DAPK1: variants seen among roughly 807,000 people sequenced by gnomAD.
DAPK1 encodes the protein death associated protein kinase 1.
In DAPK1, 56 loss-of-function variants were observed where a neutral mutation model predicts 144.9. The observed-to-expected ratio is 0.39, with a 90% confidence interval of 0.31 to 0.48. The LOEUF is 0.48. Ranked by LOEUF, DAPK1 falls within the 20% of genes least tolerant of loss-of-function variation. DAPK1 has a pLI of 0.95. For missense variants in DAPK1, 1,454 were observed against 1,875.4 expected (o/e 0.78, Z 4.15); for synonymous variants, 690 against 749.0 (o/e 0.92, Z 1.29).
At chr9:87,498,404 C>G (rs999830977) in intron 1 of DAPK1, 73 of 330,416 alleles carry the variant, frequency 2.2e-4, no homozygotes, top group Non-Finnish European at 3.6e-4. Flanking sequence ...CTTGCTCCCC[C>G]GGGCGGCCGC....
intron 2 of DAPK1, among the ~76,000 whole-genome samples, chr9:87,588,705 T>A (rs1478868554): frequency 6.6e-6 from 1 of 152,210 alleles, no homozygotes; most frequent in African/African-American, 2.4e-5. Context: ...GATGGAAATA[T>A]GGATTTATTT....
chr9:87,581,393 T>A (rs1827748233), intron 2 of DAPK1, among the ~76,000 whole-genome samples: 1 of 151,630 alleles, frequency 6.6e-6, no homozygotes, highest in African/African-American at 2.4e-5. Context: ...TTTGCCTGAG[T>A]ACAAGCCATG....
intron 18 of DAPK1, among the ~76,000 whole-genome samples, chr9:87,662,559 A>ATTTTTTTTTTTTTTTTT: frequency 3.9e-5 from 1 of 25,568 alleles, no homozygotes; most frequent in East Asian, 1.9e-3. Context: ...ATATATTCCT[A>ATTTTTTTTTTTTTTTTT]GTTTTTTTTT....
intron 2 of DAPK1, among the ~76,000 whole-genome samples, chr9:87,571,302 G>A (rs1827320900): frequency 6.6e-6 from 1 of 151,870 alleles, no homozygotes; most frequent in African/African-American, 2.4e-5. Flanking sequence ...CTGAACTGTT[G>A]CTGGTGTTTG....
chr9:87,600,794 C>T (rs1030339707), intron 2 of DAPK1, among the ~76,000 whole-genome samples: 22 of 151,906 alleles, frequency 1.4e-4, no homozygotes, highest in African/African-American at 4.6e-4. Flanking sequence ...TGCAGCCATC[C>T]GTATCGTTGT....
chr9:87,600,933 C>T (rs187741306), intron 2 of DAPK1, among the ~76,000 whole-genome samples: 49 of 152,290 alleles, frequency 3.2e-4, no homozygotes, highest in Non-Finnish European at 4.7e-4. Flanking sequence ...TGTCTGAGCT[C>T]GCCCTTGAAG....
At chr9:87,530,931 T>G (rs1249619068) in intron 2 of DAPK1, among the ~76,000 whole-genome samples, 1 of 151,874 alleles carries the variant, frequency 6.6e-6, no homozygotes, top group Admixed American at 6.6e-5. Context: ...TTTAAGTAAC[T>G]TCCTTTCCCA....
At chr9:87,585,070 A>C (rs1485635942) in intron 2 of DAPK1, among the ~76,000 whole-genome samples, 1 of 152,208 alleles carries the variant, frequency 6.6e-6, no homozygotes, top group Non-Finnish European at 1.5e-5. Context: ...TACCATGTAT[A>C]TATTTTGACT....
intron 25 of DAPK1, among the ~76,000 whole-genome samples, chr9:87,703,874 G>A (rs1336654243): frequency 6.6e-6 from 1 of 152,212 alleles, no homozygotes; most frequent in Non-Finnish European, 1.5e-5. Context: ...AACGGGGGCA[G>A]TGCCTTCGTG....
chr9:87,629,223 C>T (rs555751650), intron 3 of DAPK1, among the ~76,000 whole-genome samples: 5 of 152,220 alleles, frequency 3.3e-5, no homozygotes, highest in South Asian at 4.2e-4. Flanking sequence ...CAGACACAGA[C>T]GTGTGTGGAG....
intron 18 of DAPK1, among the ~76,000 whole-genome samples, chr9:87,666,160 G>T (rs1831045150): frequency 6.6e-6 from 1 of 152,124 alleles, no homozygotes; most frequent in Admixed American, 6.5e-5. Context: ...TCTGTGCCTG[G>T]CACTGTGCTG....
At chr9:87,650,244 C>T in intron 16 of DAPK1, 126 bp downstream of exon 16, 2 of 854,916 alleles carry the variant, frequency 2.3e-6, no homozygotes, top group Admixed American at 4.5e-5. Context: ...ATTACCCCGT[C>T]TCTTCTCTGT....
intron 4 of DAPK1, 69 bp downstream of exon 4, chr9:87,638,150 A>G: frequency 6.8e-7 from 1 of 1,471,104 alleles, no homozygotes; most frequent in South Asian, 1.3e-5. Context: ...CTCTGCTAAG[A>G]AAAATTGAGG....
At chr9:87,675,074 A>C (rs1444474860) in intron 19 of DAPK1, among the ~76,000 whole-genome samples, 1 of 152,152 alleles carries the variant, frequency 6.6e-6, no homozygotes, top group Non-Finnish European at 1.5e-5. Flanking sequence ...GGTGGCAAAC[A>C]ATGGCCTACA....
At chr9:87,532,384 A>T (rs180847592) in intron 2 of DAPK1, among the ~76,000 whole-genome samples, 181 of 152,352 alleles carry the variant, frequency 1.2e-3, no homozygotes, top group African/African-American at 4.2e-3. Flanking sequence ...GCTTTTGCAC[A>T]GCAATGGCAG....
chr9:87,512,805 T>A (rs552384630), intron 2 of DAPK1, among the ~76,000 whole-genome samples: 1 of 152,232 alleles, frequency 6.6e-6, no homozygotes, highest in Non-Finnish European at 1.5e-5. Context: ...CATGCCCAGC[T>A]AATTTTTGTA....
At chr9:87,698,221 A>T (rs1350059934) in intron 22 of DAPK1, among the ~76,000 whole-genome samples, 1 of 151,882 alleles carries the variant, frequency 6.6e-6, no homozygotes, top group African/African-American at 2.4e-5. Context: ...CTTTGTTTTA[A>T]ACACTCCCCG....
intron 19 of DAPK1, among the ~76,000 whole-genome samples, chr9:87,676,160 G>A (rs1458720238): frequency 6.6e-6 from 1 of 152,166 alleles, no homozygotes; most frequent in Non-Finnish European, 1.5e-5. Flanking sequence ...GCTGCACATG[G>A]CTCCCACCTG....
At chr9:87,660,620 C>G (rs1830809552) in intron 18 of DAPK1, among the ~76,000 whole-genome samples, 1 of 152,012 alleles carries the variant, frequency 6.6e-6, no homozygotes, top group African/African-American at 2.4e-5. Context: ...AACTCCCATC[C>G]TCCACGCGCT....
Sources: gnomAD v4.1 joint callset for allele counts (sites outside exome capture counted in the v4.1 genomes callset) on GRCh38, gnomAD v4.1.1 for gene constraint, MANE v1.5 for transcripts, NCBI Gene and HGNC (gene_info 2026-07-23, HGNC 2026-07-21) for gene names.